TOX4: variants seen among roughly 807,000 people sequenced by gnomAD.
The protein encoded by TOX4 is epidermal Langerhans cell protein LCP1.
In TOX4, 12 loss-of-function variants were observed where a neutral mutation model predicts 61.0. That is an observed-to-expected ratio of 0.20 (90% CI 0.13 to 0.32). The LOEUF (loss-of-function observed/expected upper bound fraction) is 0.32. TOX4 is among the 10% of genes least tolerant of loss of function. TOX4 has a pLI of 1.00. For missense variants in TOX4, 499 were observed against 753.3 expected (o/e 0.66, Z 3.95); for synonymous variants, 268 against 274.8 (o/e 0.98, Z 0.24).
At chr14:21,492,038 A>G (rs182759283) in intron 5 of TOX4, 52 of 294,120 alleles carry the variant, frequency 1.8e-4, no homozygotes, top group African/African-American at 1.1e-3. Flanking sequence ...AATAAAATAA[A>G]TGTAGCAAAA....
chr14:21,478,431 C>A (rs1891046356), intron 2 of TOX4, among the ~76,000 whole-genome samples: 1 of 152,206 alleles, frequency 6.6e-6, no homozygotes, highest in South Asian at 2.1e-4. Flanking sequence ...GTTTCCCCAG[C>A]TGTCAAACAG....
At chr14:21,484,244 A>G (rs1184570160) in intron 2 of TOX4, among the ~76,000 whole-genome samples, 3 of 150,434 alleles carry the variant, frequency 2.0e-5, no homozygotes, top group Non-Finnish European at 4.4e-5. Context: ...AACTTTTACA[A>G]ATGTGATTCA....
At chr14:21,492,184 CAGTGATT>C in intron 5 of TOX4, 105 bp from the exon 6 acceptor site, 1 of 1,010,800 alleles carries the variant, frequency 9.9e-7, no homozygotes, top group South Asian at 1.6e-5. Flanking sequence ...TAGAGGTTGT[CAGTGATT>C]AGACTAAGAT....
rs1027783151 is a variant in TOX4, at chr14:21,484,849, G to A, written c.76-2602G>A. Among the ~76,000 whole-genome samples the A allele has an allele frequency of 1.9e-5, 2 of 103,344 alleles. 1 individual carries two copies. The highest frequency in any genetic ancestry group is 4.2e-5 in the Non-Finnish European group (2 of 47,288). 67.8% of individuals were successfully genotyped at this position (103,344 alleles called of 152,430 possible). Reference sequence around the variant, plus strand: ...AATTTTTTGTTCTTTTGGTAGAGACGGGTTTCACTGTGTTGGCCAGGCTGG... The same window carrying A: ...AATTTTTTGTTCTTTTGGTAGAGACAGGTTTCACTGTGTTGGCCAGGCTGG... On this transcript the variant is annotated intron_variant, in intron 2 of 8. Transcript: ENST00000448790.
intron 7 of TOX4, 61 bp downstream of exon 7, chr14:21,493,318 C>T (rs1188749321): frequency 2.6e-6 from 4 of 1,519,518 alleles, no homozygotes; most frequent in Non-Finnish European, 3.5e-6. Context: ...TTTTGGTTGA[C>T]CCAATAACAG....
At chr14:21,477,750 C>T (rs1463397805) in intron 2 of TOX4, among the ~76,000 whole-genome samples, 186 bp downstream of exon 2, 2 of 152,100 alleles carry the variant, frequency 1.3e-5, no homozygotes, top group Non-Finnish European at 2.9e-5. Flanking sequence ...TGGGAAGTTG[C>T]TGTCATCAGA....
At chr14:21,478,703 A>C (rs1891053257) in intron 2 of TOX4, among the ~76,000 whole-genome samples, 1 of 152,144 alleles carries the variant, frequency 6.6e-6, no homozygotes, top group South Asian at 2.1e-4. Flanking sequence ...AGTTTTTTTT[A>C]CCAAGAATTG....
intron 2 of TOX4, among the ~76,000 whole-genome samples, chr14:21,478,282 C>T (rs1464284596): frequency 6.6e-6 from 1 of 152,212 alleles, no homozygotes; most frequent in Non-Finnish European, 1.5e-5. Context: ...CCTTTACCTA[C>T]ATGGTGTCAG....
chr14:21,488,684 A>T lies in TOX4; in HGVS notation c.413A>T (p.His138Leu). ...MTDMTSGLMG[H>L]SQLTTIDQSE... ...GACATGACATCTGGCTTGATGGGGC[A>T]TAGCCAGTTGACCACCATTGATCAG... Residue 138 changes from histidine to leucine, a missense_variant, in exon 4 of 9, where the codon CAT becomes CTT. His to Leu is a moderately conservative substitution (Grantham distance 99, BLOSUM62 -3). This residue lies in a region of TOX4 where 90 missense variants were observed against 109.5 expected (regional missense o/e 0.82). Coordinates refer to ENST00000448790, the MANE Select transcript of TOX4 (RefSeq NM_014828.4). 1 of 1,614,194 alleles carries T rather than the reference A, an allele frequency of 6.2e-7. No homozygotes were observed. Among genetic ancestry groups the T allele is most frequent in the South Asian group, 1.1e-5 (1 of 91,080 alleles).
At position 21,492,981 on chromosome 14, in the gene TOX4, G is replaced by C; in HGVS notation, c.1365G>C (p.Pro455=). Residue 455 remains proline (P), a synonymous_variant, in exon 7 of 9, where the codon CCG becomes CCC. Transcript: ENST00000448790. ...PPPLQQMPQP[P]TQQQVTILQQ... is the part of the protein sequence containing the mutation. Reference sequence around the variant, plus strand: ...CATTACAACAGATGCCACAGCCCCCGACTCAGCAGCAAGTTACCATTCTGC... The same window carrying C: ...CATTACAACAGATGCCACAGCCCCCCACTCAGCAGCAAGTTACCATTCTGC... 6.2e-7 allele frequency: 1 copy of C among 1,612,556 alleles called. No homozygotes were observed. The highest frequency in any genetic ancestry group is 8.5e-7 in the Non-Finnish European group (1 of 1,179,296).
chr14:21,483,181 A>C (rs921507731), intron 2 of TOX4, among the ~76,000 whole-genome samples: 1 of 152,072 alleles, frequency 6.6e-6, no homozygotes, highest in Non-Finnish European at 1.5e-5. Flanking sequence ...TTTGGATATG[A>C]ATTTTTATCC....
chr14:21,495,115 G>C, intron 7 of TOX4, 114 bp from the exon 8 acceptor site: 2 of 1,213,638 alleles, frequency 1.6e-6, no homozygotes, highest in South Asian at 1.4e-5. Flanking sequence ...TTGCCCCCCA[G>C]TGTGAGGAAT....
chr14:21,482,679 A>T (rs1891127049), intron 2 of TOX4: 1 of 427,060 alleles, frequency 2.3e-6, no homozygotes, highest in Admixed American at 3.1e-5. Flanking sequence ...TATTTGCTTC[A>T]GTTTTAGTTT....
intron 8 of TOX4, chr14:21,496,315 CAGG>C (rs1891400435): frequency 1.1e-5 from 4 of 349,752 alleles, no homozygotes; most frequent in African/African-American, 4.4e-5. Flanking sequence ...TTCACGGGGT[CAGG>C]AGATCAAGAC....
At chr14:21,484,191 A>T (rs1891157036) in intron 2 of TOX4, among the ~76,000 whole-genome samples, 1 of 152,134 alleles carries the variant, frequency 6.6e-6, no homozygotes, top group South Asian at 2.1e-4. Context: ...GTAAAATAGT[A>T]AGGAGAAGGG....
chr14:21,477,457 C>G (rs780712228), intron 1 of TOX4, 39 bp from the exon 2 acceptor site: 3 of 1,612,382 alleles, frequency 1.9e-6, no homozygotes, highest in South Asian at 2.2e-5. Flanking sequence ...ACTCCCTGCT[C>G]CCCCTAACTT....
At position 21,498,610 on chromosome 14, in the gene TOX4, C is replaced by CGACCACCGAGATCTACA; in HGVS notation, c.*2004_*2005insGACCACCGAGATCTACA. On this transcript the variant is annotated 3_prime_UTR_variant, in exon 9 of 9. Transcript: ENST00000448790. ...GGTTAGTAACTAATGCTTAGCCAGG[C>CGACCACCGAGATCTACA]CTGCTTCACAGAGTTGCTACCAGGG... 1 of 543,308 alleles carries CGACCACCGAGATCTACA rather than the reference C, an allele frequency of 1.8e-6. No individual in the cohort carries two copies. The allele number at this position is 543,308 out of a possible 1,614,324, so 33.7% of individuals were successfully genotyped here.
Position 21,487,642 on chromosome 14 carries a change from C to A in TOX4, c.267C>A (p.Thr89=), listed in dbSNP as rs200640121. The A allele has an allele frequency of 5.0e-6, 8 of 1,614,058 alleles. No individual in the cohort carries two copies. In the East Asian group the frequency reaches 1.3e-4, roughly 27 times the overall value. The change falls in exon 3 of 9, where the codon ACC becomes ACA. Residue 89 remains threonine (T), a synonymous_variant. Coordinates refer to ENST00000448790, the MANE Select transcript of TOX4 (RefSeq NM_014828.4). ...VQTLDMPVGM[T]HGLMEQGGGL... ...CATTGGACATGCCTGTGGGCATGAC[C>A]CATGGCTTGATGGAGCAGGGCGGGG...
intron 2 of TOX4, among the ~76,000 whole-genome samples, chr14:21,486,682 G>A (rs1297030547): frequency 1.3e-5 from 2 of 152,294 alleles, no homozygotes; most frequent in Non-Finnish European, 2.9e-5. Context: ...TTAGCTGCAT[G>A]AGTGGTGGCC....
Sources: allele counts gnomAD v4.1 joint callset (sites outside exome capture counted in the v4.1 genomes callset), GRCh38; gene constraint gnomAD v4.1.1; regional missense constraint gnomAD v4.1.1; transcripts MANE v1.5; gene names NCBI Gene and HGNC (gene_info 2026-07-23, HGNC 2026-07-21).